KIF26B: variants seen among roughly 807,000 people sequenced by gnomAD.
The protein encoded by KIF26B is kinesin family member 26B.
KIF26B carries 63 observed loss-of-function variants against 151.2 expected under a neutral mutation model. The ratio of observed to expected loss-of-function variants is 0.42; its 90% confidence interval spans 0.34 to 0.51. KIF26B has a LOEUF of 0.51. Ranked by LOEUF, KIF26B falls within the 20% of genes least tolerant of loss-of-function variation. KIF26B has a pLI of 0.07. For missense variants in KIF26B, 2,813 were observed against 2,913.6 expected, an observed-to-expected ratio of 0.97 and a Z score of 0.79; for synonymous variants, 1,357 against 1,262.1, an observed-to-expected ratio of 1.08 and a Z score of -1.59.
At chr1:245,231,787 T>G (rs954497169) in intron 2 of KIF26B, among the ~76,000 whole-genome samples, 2 of 152,226 alleles carry the variant, frequency 1.3e-5, no homozygotes, top group African/African-American at 4.8e-5. Flanking sequence ...GGCATCAGCC[T>G]TATCAACAGC....
chr1:245,565,708 C>T (rs1431441294), intron 5 of KIF26B, among the ~76,000 whole-genome samples: 1 of 152,194 alleles, frequency 6.6e-6, no homozygotes. Flanking sequence ...AATATACGCA[C>T]ATGGGACAAA....
intron 4 of KIF26B, among the ~76,000 whole-genome samples, chr1:245,487,268 T>C (rs529055406): frequency 2.8e-4 from 42 of 152,360 alleles, no homozygotes; most frequent in African/African-American, 9.9e-4. Context: ...GTGGCCCATA[T>C]GTATCTAAAA....
intron 4 of KIF26B, among the ~76,000 whole-genome samples, chr1:245,473,590 G>A (rs1468438811): frequency 2.7e-5 from 4 of 150,878 alleles, no homozygotes; most frequent in Admixed American, 6.6e-5. Flanking sequence ...GAGAAAGGAA[G>A]AAGGAAACGA....
chr1:245,414,399 G>A (rs971565970), intron 3 of KIF26B, among the ~76,000 whole-genome samples: 3 of 152,216 alleles, frequency 2.0e-5, no homozygotes, highest in Non-Finnish European at 2.9e-5. Context: ...CCTGAGAACC[G>A]GCTGGAGGTG....
At chr1:245,187,207 A>G (rs1669015487) in intron 2 of KIF26B, among the ~76,000 whole-genome samples, 1 of 152,224 alleles carries the variant, frequency 6.6e-6, no homozygotes, top group Non-Finnish European at 1.5e-5. Flanking sequence ...AGATGATAAG[A>G]TCTTTGCCTG....
intron 5 of KIF26B, among the ~76,000 whole-genome samples, chr1:245,544,612 G>T (rs940980172): frequency 6.6e-6 from 1 of 152,172 alleles, no homozygotes; most frequent in Non-Finnish European, 1.5e-5. Context: ...CAAGAAGTCA[G>T]GACCTTTCGG....
At chr1:245,214,674 A>G (rs980633907) in intron 2 of KIF26B, among the ~76,000 whole-genome samples, 1 of 152,280 alleles carries the variant, frequency 6.6e-6, no homozygotes. Flanking sequence ...CCCCGTCTCT[A>G]GTAAAAATAC....
chr1:245,575,140 C>G (rs939665791), intron 5 of KIF26B, among the ~76,000 whole-genome samples: 1 of 150,284 alleles, frequency 6.7e-6, no homozygotes, highest in East Asian at 2.1e-4. Context: ...ACTGGGATTA[C>G]AGGCTCAAGC....
At chr1:245,242,853 T>C (rs576378722) in intron 2 of KIF26B, among the ~76,000 whole-genome samples, 1 of 152,274 alleles carries the variant, frequency 6.6e-6, no homozygotes, top group East Asian at 1.9e-4. Context: ...GGTTTCACCA[T>C]GTTGCTCAGG....
Position 245,192,606 on chromosome 1 carries a change from A to T in KIF26B, c.465+35923A>T, listed in dbSNP as rs574354831. On this transcript the variant is annotated intron_variant, in intron 2 of 14. Transcript: ENST00000407071. The stretch of plus-strand genomic sequence containing the variant: ...TGATCATCTATACTGATGACTTTTT[A>T]AAATAATATAAACTTCCAGGAGGGA... Among the ~76,000 whole-genome samples the T allele has an allele frequency of 1.4e-4, 22 of 152,346 alleles. No homozygotes were observed. The South Asian group carries it at 4.3e-3, about 30-fold the overall frequency.
Position 245,219,064 on chromosome 1 carries a change from T to C in KIF26B, c.465+62381T>C, listed in dbSNP as rs547482425. 4.6e-5 allele frequency among the ~76,000 whole-genome samples: 7 copies of C among 151,692 alleles called. 2 individuals are homozygous for C. Among genetic ancestry groups the C allele is most frequent in the African/African-American group, 1.7e-4 (7 of 41,330 alleles). ...TGTCTTGTTCTGACCGTGGGTTACT[T>C]CTCTGTGTCTGTCTGAGAGGGGAAA... is the stretch of plus-strand genomic sequence containing the variant. On this transcript the variant is annotated intron_variant, in intron 2 of 14. Transcript: ENST00000407071.
Position 245,702,684 on chromosome 1 carries a change from C to T in KIF26B, c.*78C>T. 1.4e-6 allele frequency: 2 copies of T among 1,449,916 alleles called. No individual in the cohort carries two copies. Among genetic ancestry groups the T allele is most frequent in the South Asian group, 2.8e-5 (2 of 72,142 alleles). 89.8% of individuals were successfully genotyped at this position (1,449,916 alleles called of 1,614,324 possible). A position where few individuals can be genotyped will look rare whatever the true frequency, so the allele number is the denominator to read the frequency against. ...GTTGCACGCCCCTAGGCCCTCTGTG[C>T]TGGGGCATCAAAGACAATGAATGAG... On this transcript the variant is annotated 3_prime_UTR_variant, in exon 15 of 15. Transcript: ENST00000407071. This position sits in a 1 kb window ranked among gnomAD's most constrained non-coding sequence, Gnocchi z 4.1.
At chr1:245,217,445 A>G (rs1361789248) in intron 2 of KIF26B, among the ~76,000 whole-genome samples, 1 of 149,598 alleles carries the variant, frequency 6.7e-6, no homozygotes, top group Admixed American at 6.7e-5. Context: ...GCCCGCTGCA[A>G]CCTCCGCTGC....
intron 2 of KIF26B, among the ~76,000 whole-genome samples, chr1:245,288,724 A>C (rs764992177): frequency 6.6e-6 from 1 of 152,204 alleles, no homozygotes; most frequent in African/African-American, 2.4e-5. Context: ...TATACCATGC[A>C]TAGGTTTGTG....
rs148813520 is a variant in KIF26B at position 245,669,309 on chromosome 1, A to G, written c.2259-14924A>G. On this transcript the variant is annotated intron_variant, in intron 10 of 14. Coordinates refer to ENST00000407071, the MANE Select transcript of KIF26B (RefSeq NM_018012.4). ...TCTGAACCACAGATGCTAAAGAAAA[A>G]TTAGTTAAACTGAAGACTGATGAAG... is the stretch of plus-strand genomic sequence containing the variant. Among the ~76,000 whole-genome samples the G allele has an allele frequency of 1.5e-3, 227 of 152,328 alleles. 2 individuals are homozygous for G. Among genetic ancestry groups the G allele is most frequent in the African/African-American group, 5.2e-3 (216 of 41,564 alleles).
At chr1:245,201,246 A>C (rs944889510) in intron 2 of KIF26B, among the ~76,000 whole-genome samples, 1 of 152,248 alleles carries the variant, frequency 6.6e-6, no homozygotes, top group Non-Finnish European at 1.5e-5. Flanking sequence ...CGCAACAAAT[A>C]GTCTAGATCA....
chr1:245,662,175 CA>C (rs1326417848), intron 10 of KIF26B, among the ~76,000 whole-genome samples: 1 of 149,868 alleles, frequency 6.7e-6, no homozygotes, highest in Non-Finnish European at 1.5e-5. Flanking sequence ...ACATAATACA[CA>C]CACCCAATAT....
intron 2 of KIF26B, among the ~76,000 whole-genome samples, chr1:245,302,921 G>C (rs144626741): frequency 0.04 from 5,742 of 144,052 alleles, 169 homozygotes; most frequent in Middle Eastern, 0.062. Context: ...CCTTGGGGGC[G>C]GAGGTTGCAG....
At chr1:245,217,501 A>C (rs1039601871) in intron 2 of KIF26B, among the ~76,000 whole-genome samples, 2 of 151,436 alleles carry the variant, frequency 1.3e-5, no homozygotes, top group Admixed American at 1.3e-4. Flanking sequence ...AGTAGCTGGC[A>C]TTACAGGTGC....
Sources: allele counts gnomAD v4.1 joint callset (sites outside exome capture counted in the v4.1 genomes callset), GRCh38; gene constraint gnomAD v4.1.1; non-coding constraint Gnocchi (gnomAD v3.1); transcripts MANE v1.5; gene names NCBI Gene and HGNC (gene_info 2026-07-23, HGNC 2026-07-21).